C1QTNF3: variants seen among roughly 807,000 people sequenced by gnomAD.
The protein encoded by C1QTNF3 is complement C1q tumor necrosis factor-related protein 3.
Under a neutral mutation model 32.6 loss-of-function variants are expected in C1QTNF3, and 26 were observed. The ratio of observed to expected loss-of-function variants is 0.80; its 90% confidence interval spans 0.58 to 1.11. The LOEUF (loss-of-function observed/expected upper bound fraction) is 1.11. Among genes scored for constraint, C1QTNF3 ranks in the 50% least tolerant of loss-of-function variants. The pLI, the probability that C1QTNF3 is intolerant of heterozygous loss-of-function variation, is 0.00. For missense variants in C1QTNF3, 362 were observed against 398.2 expected, an observed-to-expected ratio of 0.91 and a Z score of 0.77; for synonymous variants, 155 against 146.0, an observed-to-expected ratio of 1.06 and a Z score of -0.44.
the C1QTNF3 span, chr5:34,158,863 A>G: frequency 2.0e-5 from 3 of 152,134 alleles, no homozygotes; most frequent in Non-Finnish European, 4.4e-5. Context: ...GGTTACAACC[A>G]TGGATATATT....
chr5:34,156,162 C>A, the C1QTNF3 span, among the ~76,000 whole-genome samples: 3 of 152,158 alleles, frequency 2.0e-5, no homozygotes, highest in Non-Finnish European at 2.9e-5. Flanking sequence ...CCTCTGCTTC[C>A]CAGGTTCAAG....
At chr5:34,202,656 G>A in the C1QTNF3 span, among the ~76,000 whole-genome samples, 2 of 151,802 alleles carry the variant, frequency 1.3e-5, no homozygotes, top group Non-Finnish European at 2.9e-5. Context: ...TTATGCTTAT[G>A]TTAATTGATA....
chr5:34,213,226 T>A, the C1QTNF3 span, among the ~76,000 whole-genome samples: 1 of 152,214 alleles, frequency 6.6e-6, no homozygotes, highest in East Asian at 1.9e-4. Context: ...TTAAGATTAT[T>A]ATAGGGTTGA....
chr5:34,081,297 G>T, the C1QTNF3 span, among the ~76,000 whole-genome samples: 1 of 151,522 alleles, frequency 6.6e-6, no homozygotes, highest in East Asian at 1.9e-4. Flanking sequence ...ACACTAGTGT[G>T]ATTCTATTAT....
the C1QTNF3 span, among the ~76,000 whole-genome samples, chr5:34,143,028 T>G: frequency 3.9e-5 from 6 of 152,202 alleles, no homozygotes; most frequent in Admixed American, 1.3e-4. Flanking sequence ...ATCCAAGGAA[T>G]GCAAGGAATA....
At chr5:34,056,906 G>T in the C1QTNF3 span, among the ~76,000 whole-genome samples, 2 of 152,048 alleles carry the variant, frequency 1.3e-5, no homozygotes, top group African/African-American at 4.8e-5. Flanking sequence ...GAAAAAAACC[G>T]CAATTTTAAC....
the C1QTNF3 span, among the ~76,000 whole-genome samples, chr5:34,236,839 G>C: frequency 6.6e-6 from 1 of 151,914 alleles, no homozygotes; most frequent in African/African-American, 2.4e-5. Context: ...GCCTCCCAAA[G>C]TGCTGGGATT....
the C1QTNF3 span, among the ~76,000 whole-genome samples, chr5:34,079,122 T>G: frequency 6.6e-6 from 1 of 151,518 alleles, no homozygotes; most frequent in Non-Finnish European, 1.5e-5. Context: ...ACACATAAAC[T>G]AATGAAAAAC....
At chr5:34,084,671 C>G in the C1QTNF3 span, among the ~76,000 whole-genome samples, 1 of 150,338 alleles carries the variant, frequency 6.7e-6, no homozygotes, top group Non-Finnish European at 1.5e-5. Context: ...GGATAATAAA[C>G]TGTATTTTTT....
At chr5:34,100,386 A>G in the C1QTNF3 span, among the ~76,000 whole-genome samples, 1 of 150,714 alleles carries the variant, frequency 6.6e-6, no homozygotes, top group Admixed American at 6.6e-5. Flanking sequence ...TACAGCAGTG[A>G]ATTTGTTAAC....
At chr5:34,041,623 C>T (rs894412468) in intron 1 of C1QTNF3, among the ~76,000 whole-genome samples, 1 of 152,142 alleles carries the variant, frequency 6.6e-6, no homozygotes, top group Non-Finnish European at 1.5e-5. Flanking sequence ...GATGAATAGA[C>T]AATCTCTAAA....
the C1QTNF3 span, among the ~76,000 whole-genome samples, chr5:34,142,740 G>A: frequency 3.3e-5 from 5 of 152,174 alleles, no homozygotes; most frequent in South Asian, 2.1e-4. Flanking sequence ...GACCTTGTAC[G>A]GAGGTCTGGC....
At chr5:34,030,531 A>G (rs1754586545) in intron 3 of C1QTNF3, among the ~76,000 whole-genome samples, 2 of 152,190 alleles carry the variant, frequency 1.3e-5, no homozygotes, top group Admixed American at 1.3e-4. Flanking sequence ...CACTACTACT[A>G]TTGTTGCCAC....
the C1QTNF3 span, among the ~76,000 whole-genome samples, chr5:34,209,397 C>T: frequency 6.6e-6 from 1 of 151,024 alleles, no homozygotes; most frequent in Non-Finnish European, 1.5e-5. Flanking sequence ...CAAACCTGCA[C>T]ATATACCCCT....
At chr5:34,225,507 C>T in the C1QTNF3 span, among the ~76,000 whole-genome samples, 12 of 152,092 alleles carry the variant, frequency 7.9e-5, no homozygotes, top group African/African-American at 2.4e-4. Flanking sequence ...ACTGACTTAT[C>T]TTCATGATTT....
the C1QTNF3 span, among the ~76,000 whole-genome samples, chr5:34,114,848 A>G: frequency 6.6e-6 from 1 of 152,106 alleles, no homozygotes; most frequent in Non-Finnish European, 1.5e-5. Context: ...ACTTTTTCCA[A>G]CAAAATATCC....
the C1QTNF3 span, among the ~76,000 whole-genome samples, chr5:34,062,208 TCCTGA>T: frequency 6.6e-6 from 1 of 152,184 alleles, no homozygotes; most frequent in South Asian, 2.1e-4. Context: ...TGGGCTGGGT[TCCTGA>T]GTATTTCATA....
At chr5:34,023,090 C>T (rs1395842845) in intron 5 of C1QTNF3, among the ~76,000 whole-genome samples, 2 of 152,092 alleles carry the variant, frequency 1.3e-5, no homozygotes, top group Non-Finnish European at 2.9e-5. Flanking sequence ...CTCCAGACCT[C>T]GTGATCTGTC....
chr5:34,044,623 G>A (rs1034777850), upstream of C1QTNF3, among the ~76,000 whole-genome samples: 2 of 152,168 alleles, frequency 1.3e-5, no homozygotes, highest in African/African-American at 2.4e-5. Flanking sequence ...CAGAACAGCC[G>A]CTTCCAGAGT....
Sources: allele counts gnomAD v4.1 joint callset (sites outside exome capture counted in the v4.1 genomes callset), GRCh38; gene constraint gnomAD v4.1.1; transcripts MANE v1.5; gene names NCBI Gene and HGNC (gene_info 2026-07-23, HGNC 2026-07-21).